Variants in MRPL33 observed in about 807,000 individuals in gnomAD.
The protein encoded by MRPL33 is mitochondrial ribosomal protein L33.
A neutral mutation model predicts 10.1 loss-of-function variants in MRPL33; 5 were observed. The observed-to-expected ratio is 0.49, with a 90% confidence interval of 0.26 to 1.04. MRPL33 has a LOEUF of 1.04. Ranked by LOEUF, MRPL33 falls within the 50% of genes least tolerant of loss-of-function variation. The pLI is 0.14. For synonymous variants in MRPL33, 24 were observed against 27.7 expected (o/e 0.87, Z 0.42); for missense variants, 79 against 78.1 (o/e 1.01, Z -0.04).
rs1396972533 is a variant in MRPL33 at position 27,779,548 on chromosome 2, A to G, written c.*66A>G. On this transcript the variant is annotated 3_prime_UTR_variant, in exon 4 of 4. Coordinates refer to ENST00000296102, the MANE Select transcript of MRPL33 (RefSeq NM_004891.4). ...TGAGGGCGGGGATACTGATTCAGAA[A>G]TCCTGTAGCGTGTAATAAAAGAAGA... 6.2e-7 allele frequency: 1 copy of G among 1,606,224 alleles called. No homozygotes were observed.
intron 3 of MRPL33, among the ~76,000 whole-genome samples, chr2:27,775,495 G>A (rs528349523): frequency 1.3e-4 from 19 of 151,764 alleles, no homozygotes; most frequent in Non-Finnish European, 1.5e-5. Flanking sequence ...GGGACTACAG[G>A]TGTGTGCCAC....
chr2:27,776,214 G>A (rs114939112), intron 3 of MRPL33, among the ~76,000 whole-genome samples: 268 of 152,360 alleles, frequency 1.8e-3, no homozygotes, highest in Non-Finnish European at 3.0e-3. Flanking sequence ...GATAAGGAAC[G>A]GTCTTAGCTT....
rs67199907 is a variant in MRPL33, at chr2:27,775,350, A to ATTT, written c.148+837_148+839dup. On this transcript the variant is annotated intron_variant, in intron 3 of 3. Transcript: ENST00000296102. ...GTTCATTTTGTGCTCTTTATAATTA[A>ATTT]TTTTTTTTTTTTTTTTTTTGAGATG... 5.9e-4 allele frequency among the ~76,000 whole-genome samples: 72 copies of ATTT among 123,008 alleles called. 3 individuals are homozygous for ATTT. Among genetic ancestry groups the ATTT allele is most frequent in the Non-Finnish European group, 8.5e-4 (52 of 60,832 alleles). The allele number at this position is 123,008 out of a possible 152,430, so 80.7% of individuals were successfully genotyped here.
chr2:27,778,472 TGA>T (rs1677216750), intron 3 of MRPL33, among the ~76,000 whole-genome samples: 1 of 151,798 alleles, frequency 6.6e-6, no homozygotes, highest in Admixed American at 6.6e-5. Flanking sequence ...GGTGTGTGTG[TGA>T]GAGAGATGGA....
chr2:27,773,471 G>C (rs1677090721), intron 2 of MRPL33, among the ~76,000 whole-genome samples: 1 of 152,130 alleles, frequency 6.6e-6, no homozygotes, highest in African/African-American at 2.4e-5. Flanking sequence ...TCTTGCCTTT[G>C]GTTTCTGTAG....
At chr2:27,772,368 A>C (rs1039012161) in intron 1 of MRPL33, 1 of 318,504 alleles carries the variant, frequency 3.1e-6, no homozygotes, top group African/African-American at 2.2e-5. Flanking sequence ...ACCTTAGAAG[A>C]GGGAAAAAAT....
rs753237890 is a variant in MRPL33, at chr2:27,771,775, A to G, written c.-3A>G. On this transcript the variant is annotated 5_prime_UTR_variant, in exon 1 of 4. Transcript: ENST00000296102. The stretch of plus-strand genomic sequence containing the variant: ...TGACGGAGACTGCCCAGGTGTGGTC[A>G]CCATGTTCCTCTCCGCGGTCTTCTG... 3 of 1,614,134 alleles carry G rather than the reference A, an allele frequency of 1.9e-6. No homozygotes were observed. Among genetic ancestry groups the G allele is most frequent in the Admixed American group, 1.7e-5 (1 of 60,018 alleles).
chr2:27,774,726 C>G (rs746142991), intron 3 of MRPL33, among the ~76,000 whole-genome samples, 196 bp downstream of exon 3: 1 of 152,168 alleles, frequency 6.6e-6, no homozygotes, highest in Non-Finnish European at 1.5e-5. Flanking sequence ...TCCCTGTACT[C>G]TTGGCACTTA....
At chr2:27,777,805 G>T (rs1677204130) in intron 3 of MRPL33, among the ~76,000 whole-genome samples, 1 of 152,052 alleles carries the variant, frequency 6.6e-6, no homozygotes, top group Admixed American at 6.6e-5. Flanking sequence ...CCTAGTCAGG[G>T]TCATTTAAAT....
chr2:27,774,044 G>C (rs960600570), intron 2 of MRPL33, among the ~76,000 whole-genome samples: 2 of 152,210 alleles, frequency 1.3e-5, no homozygotes, highest in East Asian at 3.8e-4. Flanking sequence ...AGAGAGGGCT[G>C]TTCTGAGACA....
intron 3 of MRPL33, among the ~76,000 whole-genome samples, chr2:27,778,915 T>C (rs906264669): frequency 2.6e-5 from 4 of 152,186 alleles, no homozygotes; most frequent in African/African-American, 9.7e-5. Flanking sequence ...CTCTAATATT[T>C]ACAATAATGA....
intron 2 of MRPL33, among the ~76,000 whole-genome samples, chr2:27,773,418 T>A (rs907555770): frequency 2.6e-5 from 4 of 152,210 alleles, no homozygotes; most frequent in Non-Finnish European, 5.9e-5. Context: ...CACAGTCCAG[T>A]TATTTATGTC....
rs550147761 is a variant in MRPL33 at position 27,771,988 on chromosome 2, G to A, written c.22+189G>A. On this transcript the variant is annotated intron_variant, in intron 1 of 3. Coordinates refer to ENST00000296102, the MANE Select transcript of MRPL33 (RefSeq NM_004891.4). ...GCGCGCCTCCCTGCGCGGACCTGTG[G>A]GTGCCTGAGAAGGGGTCTGCGGTGT... 8.0e-6 allele frequency: 5 copies of A among 625,138 alleles called. No homozygotes were observed. In the South Asian group the frequency reaches 9.9e-5, roughly 12 times the overall value. The allele number at this position is 625,138 out of a possible 1,614,324, so 38.7% of individuals were successfully genotyped here.
chr2:27,777,852 A>AC (rs1226991378), intron 3 of MRPL33, among the ~76,000 whole-genome samples: 2 of 151,654 alleles, frequency 1.3e-5, no homozygotes, highest in Non-Finnish European at 2.9e-5. Flanking sequence ...CAACCCCCCT[A>AC]CCCCCCGCCT....
rs142167102 is a variant in MRPL33 at position 27,778,679 on chromosome 2, C to T, written c.149-754C>T. Among the ~76,000 whole-genome samples the T allele has an allele frequency of 6.7e-3, 1,011 of 150,490 alleles. 14 individuals are homozygous for T. Among genetic ancestry groups the T allele is most frequent in the African/African-American group, 0.023 (949 of 40,962 alleles). ...AAGTGATTCTCCTGCGCCAGCCTCC[C>T]GCGTAGCTGGGATTACAGGCATGCA... is the stretch of plus-strand genomic sequence containing the variant. On this transcript the variant is annotated intron_variant, in intron 3 of 3. Coordinates refer to ENST00000296102, the MANE Select transcript of MRPL33 (RefSeq NM_004891.4).
Position 27,779,461 on chromosome 2 carries a change from GAA to G in MRPL33, c.183_184del (p.Lys61AsnfsTer30). On this transcript the variant is annotated frameshift_variant, in exon 4 of 4. Transcript: ENST00000296102. LOFTEE classifies it high-confidence loss of function. ...VKQRVLFVEK[K>X]KIRSL The stretch of plus-strand genomic sequence containing the variant: ...AACAAAGAGTCCTCTTCGTGGAAAA[GAA>G]AAAAATACGCTCCCTTTAAACGGTG... 6.2e-7 allele frequency: 1 copy of G among 1,609,752 alleles called. No individual in the cohort carries two copies. The highest frequency in any genetic ancestry group is 8.5e-7 in the Non-Finnish European group (1 of 1,178,836).
chr2:27,776,408 G>T (rs370849358), intron 3 of MRPL33, among the ~76,000 whole-genome samples: 1 of 152,254 alleles, frequency 6.6e-6, no homozygotes, highest in Non-Finnish European at 1.5e-5. Flanking sequence ...TTACTGTGAT[G>T]AGTAAATTGT....
At position 27,772,760 on chromosome 2, in the gene MRPL33, C is replaced by A; in HGVS notation, c.41+68C>A. On this transcript the variant is annotated intron_variant, in intron 2 of 3. Coordinates refer to ENST00000296102, the MANE Select transcript of MRPL33 (RefSeq NM_004891.4). Reference sequence around the variant, plus strand: ...TTGGATTTGTTAGTCTAGCTGCTCCCAGTACATCCTTATATGAAATTAAGC... The same window carrying A: ...TTGGATTTGTTAGTCTAGCTGCTCCAAGTACATCCTTATATGAAATTAAGC... 1.6e-6 allele frequency: 2 copies of A among 1,248,434 alleles called. No individual in the cohort carries two copies. The highest frequency in any genetic ancestry group is 2.3e-6 in the Non-Finnish European group (2 of 870,990). The allele number at this position is 1,248,434 out of a possible 1,614,324, so 77.3% of individuals were successfully genotyped here. A position where few individuals can be genotyped will look rare whatever the true frequency, so the allele number is the denominator to read the frequency against.
intron 3 of MRPL33, among the ~76,000 whole-genome samples, chr2:27,775,912 G>A (rs1677140848): frequency 6.6e-6 from 1 of 152,142 alleles, no homozygotes; most frequent in Admixed American, 6.5e-5. Context: ...GTTTGCTGTT[G>A]GATTGATAAG....
Sources: allele counts gnomAD v4.1 joint callset (sites outside exome capture counted in the v4.1 genomes callset), GRCh38; gene constraint gnomAD v4.1.1; transcripts MANE v1.5; gene names NCBI Gene and HGNC (gene_info 2026-07-23, HGNC 2026-07-21).